Variants in MAPT observed in about 807,000 individuals in gnomAD.
The protein encoded by MAPT is microtubule-associated protein tau.
In MAPT, 34 loss-of-function variants were observed where a neutral mutation model predicts 67.9. That is an observed-to-expected ratio of 0.50 (90% CI 0.38 to 0.67). MAPT has a LOEUF of 0.67. Among genes scored for constraint, MAPT ranks in the 30% least tolerant of loss-of-function variants. MAPT has a pLI of 0.00. For synonymous variants in MAPT, 456 were observed against 464.5 expected, an observed-to-expected ratio of 0.98 and a Z score of 0.23; for missense variants, 881 against 1,115.2, an observed-to-expected ratio of 0.79 and a Z score of 2.99.
Position 46,010,505 on chromosome 17 carries a change from T to C in MAPT, c.2091+103T>C, listed in dbSNP as rs2075752071. On this transcript the variant is annotated intron_variant, in intron 10 of 12. Coordinates refer to ENST00000262410, the MANE Select transcript of MAPT (RefSeq NM_001377265.1). The surrounding 1 kb of genome is among the most constrained non-coding windows in gnomAD (Gnocchi z 4.7). Reference sequence around the variant, plus strand: ...AGACACTGCATAGAATAAATCCTTCTTGGGCTCTCAGGATCTGGCTGCGAC... The same window carrying C: ...AGACACTGCATAGAATAAATCCTTCCTGGGCTCTCAGGATCTGGCTGCGAC... The C allele has an allele frequency of 3.4e-6, 3 of 879,168 alleles. No homozygotes were observed. The highest frequency in any genetic ancestry group is 5.6e-6 in the Non-Finnish European group (3 of 538,394). The allele number at this position is 879,168 out of a possible 1,614,324, so 54.5% of individuals were successfully genotyped here.
intron 1 of MAPT, among the ~76,000 whole-genome samples, chr17:45,930,422 A>G (rs2066743147): frequency 6.6e-6 from 1 of 151,988 alleles, no homozygotes; most frequent in Non-Finnish European, 1.5e-5. Context: ...AAAAAAAAAA[A>G]AAGAAAAGGA....
intron 4 of MAPT, among the ~76,000 whole-genome samples, chr17:45,982,095 G>A (rs571841337): frequency 6.6e-6 from 1 of 151,520 alleles, no homozygotes; most frequent in Admixed American, 6.6e-5. Context: ...GGACCGGGGT[G>A]GGCAGATCAC....
At chr17:45,899,632 A>T (rs1255553811) in intron 1 of MAPT, among the ~76,000 whole-genome samples, 1 of 152,132 alleles carries the variant, frequency 6.6e-6, no homozygotes, top group Admixed American at 6.6e-5. Flanking sequence ...CCCAGATATG[A>T]TCTATAACAT....
At chr17:45,986,893 A>C in intron 5 of MAPT, 147 bp from the exon 6 acceptor site, 1 of 687,790 alleles carries the variant, frequency 1.5e-6, no homozygotes, top group Non-Finnish European at 2.6e-6. Flanking sequence ...TAGCAGATTC[A>C]AGGGAAAAGA....
At chr17:45,968,220 C>T (rs1054773907) in intron 2 of MAPT, among the ~76,000 whole-genome samples, 3 of 151,798 alleles carry the variant, frequency 2.0e-5, no homozygotes, top group African/African-American at 7.3e-5. Context: ...AAAAAAAAAC[C>T]CCACCATTCT....
intron 1 of MAPT, among the ~76,000 whole-genome samples, chr17:45,941,609 TCCCTCCCC>T (rs1367671496): frequency 5.3e-4 from 61 of 114,214 alleles, no homozygotes; most frequent in African/African-American, 1.3e-3. Flanking sequence ...CTTCCTTCCC[TCCCTCCCC>T]CCTTCCCTCC....
At position 46,026,111 on chromosome 17, in the gene MAPT, G is replaced by T. The variant is rs905527253; in HGVS notation, c.*1940G>T. 1 of 149,800 alleles carries T rather than the reference G, an allele frequency of 6.7e-6. No homozygotes were observed. Among genetic ancestry groups the T allele is most frequent in the Non-Finnish European group, 1.5e-5 (1 of 67,412 alleles). The allele number at this position is 149,800 out of a possible 1,614,324, so 9.3% of individuals were successfully genotyped here. On this transcript the variant is annotated 3_prime_UTR_variant, in exon 13 of 13. Transcript: ENST00000262410. The stretch of plus-strand genomic sequence containing the variant: ...AAGAAAAAAAAAAAAAAAAAAGGAC[G>T]CATGTATCTTGAAATGCTTGTAAAG...
chr17:46,017,377 G>C (rs368731164), intron 11 of MAPT, among the ~76,000 whole-genome samples: 4 of 147,614 alleles, frequency 2.7e-5, no homozygotes, highest in African/African-American at 1.0e-4. Flanking sequence ...GGGTTCAAGT[G>C]ATTCTCCTGC....
chr17:46,006,878 G>A (rs1022883842), intron 9 of MAPT, among the ~76,000 whole-genome samples: 15 of 151,376 alleles, frequency 9.9e-5, no homozygotes, highest in African/African-American at 1.9e-4. Context: ...AGCCGAGATC[G>A]CGCCACTGCA....
chr17:45,953,786 A>C (rs1011071805), intron 1 of MAPT, among the ~76,000 whole-genome samples: 12 of 152,138 alleles, frequency 7.9e-5, no homozygotes, highest in African/African-American at 2.9e-4. Flanking sequence ...GAGGCAGCCC[A>C]ACAGAGAAAT....
At chr17:45,926,475 AT>A (rs1010190550) in intron 1 of MAPT, among the ~76,000 whole-genome samples, 89 of 151,462 alleles carry the variant, frequency 5.9e-4, no homozygotes, top group African/African-American at 1.8e-3. Flanking sequence ...CACCTGGCTA[AT>A]TTTTTTTATT....
chr17:45,978,085 G>T (rs1048966216), intron 3 of MAPT: 1 of 460,800 alleles, frequency 2.2e-6, no homozygotes, highest in African/African-American at 2.0e-5. Flanking sequence ...GTGTGTCCTT[G>T]TTGAGTGAGG....
At chr17:45,925,236 G>A (rs111790498) in intron 1 of MAPT, among the ~76,000 whole-genome samples, 7 of 152,170 alleles carry the variant, frequency 4.6e-5, no homozygotes, top group Non-Finnish European at 7.3e-5. Context: ...GGGCGGCCCC[G>A]GGCTGCAGTG....
chr17:45,985,538 C>A, intron 5 of MAPT: 1 of 263,628 alleles, frequency 3.8e-6, no homozygotes, highest in Non-Finnish European at 5.9e-6. Context: ...GTAAGTTAAA[C>A]AGGCTTTTCT....
intron 1 of MAPT, among the ~76,000 whole-genome samples, chr17:45,920,490 C>T (rs1450539471): frequency 2.0e-5 from 3 of 152,228 alleles, no homozygotes; most frequent in Admixed American, 1.3e-4. Flanking sequence ...TCTCCTCAGC[C>T]TTGACCCTCC....
intron 1 of MAPT, among the ~76,000 whole-genome samples, chr17:45,903,734 A>C (rs1431545280): frequency 7.3e-5 from 7 of 95,886 alleles, no homozygotes; most frequent in Admixed American, 1.6e-4. Flanking sequence ...AAAAAAAAGG[A>C]ATCTCTTTGG....
chr17:45,903,457 C>T (rs957279111), intron 1 of MAPT, among the ~76,000 whole-genome samples: 2 of 151,902 alleles, frequency 1.3e-5, no homozygotes, highest in African/African-American at 2.4e-5. Context: ...CGGTGGCTCA[C>T]GCCTGTAATC....
chr17:46,027,539 T>G lies in MAPT; in HGVS notation c.*3368T>G, dbSNP rs1324713311. ...CTGTTTGCTATTGCTTGTTGTGCTA[T>G]GGGGGGAGGGGGGAGGAATGTGTAA... is the stretch of plus-strand genomic sequence containing the variant. On this transcript the variant is annotated 3_prime_UTR_variant, in exon 13 of 13. Coordinates refer to ENST00000262410, the MANE Select transcript of MAPT (RefSeq NM_001377265.1). 1 of 152,134 alleles carries G rather than the reference T, an allele frequency of 6.6e-6. No individual in the cohort carries two copies. The highest frequency in any genetic ancestry group is 1.5e-5 in the Non-Finnish European group (1 of 68,084). 9.4% of individuals were successfully genotyped at this position (152,134 alleles called of 1,614,324 possible).
chr17:46,010,098 G>A lies in MAPT; in HGVS notation c.1999-212G>A, dbSNP rs931832131. Among the ~76,000 whole-genome samples the A allele has an allele frequency of 4.6e-5, 7 of 152,204 alleles. No homozygotes were observed. The highest frequency in any genetic ancestry group is 9.7e-5 in the African/African-American group (4 of 41,448). Reference sequence around the variant, plus strand: ...ACACTTCTGGGATGCCTTCAGAGCAGCCCTCTATCCCTTCAGCTCCCCTGG... The same window carrying A: ...ACACTTCTGGGATGCCTTCAGAGCAACCCTCTATCCCTTCAGCTCCCCTGG... On this transcript the variant is annotated intron_variant, in intron 9 of 12. Transcript: ENST00000262410. The surrounding 1 kb of genome is among the most constrained non-coding windows in gnomAD (Gnocchi z 4.7).
Sources: gnomAD v4.1 joint callset for allele counts (sites outside exome capture counted in the v4.1 genomes callset) on GRCh38, gnomAD v4.1.1 for gene constraint, Gnocchi (gnomAD v3.1) non-coding constraint, MANE v1.5 for transcripts, NCBI Gene and HGNC (gene_info 2026-07-23, HGNC 2026-07-21) for gene names.